The following CAP2 variants were observed in gnomAD, a reference collection of about 807,000 sequenced individuals.
The protein encoded by CAP2 is adenylyl cyclase-associated protein 2.
Under a neutral mutation model 57.7 loss-of-function variants are expected in CAP2, and 24 were observed. The ratio of observed to expected loss-of-function variants is 0.42; its 90% CI spans 0.30 to 0.58. The LOEUF is 0.58. Among genes scored for constraint, CAP2 ranks in the 20% least tolerant of loss-of-function variants. The probability of loss-of-function intolerance (pLI) is 0.22; values close to 1 mark genes in which losing one functional copy is unlikely to be tolerated. For missense variants in CAP2, 501 were observed against 590.3 expected (o/e 0.85, Z 1.57); for synonymous variants, 194 against 207.2 (o/e 0.94, Z 0.55).
chr6:17,520,598 A>T (rs571985449), intron 7 of CAP2, among the ~76,000 whole-genome samples: 2 of 152,112 alleles, frequency 1.3e-5, no homozygotes, highest in Non-Finnish European at 2.9e-5. Context: ...CTCCAGGTAG[A>T]TATTTCTTTT....
At chr6:17,478,010 T>A (rs902792721) in intron 4 of CAP2, among the ~76,000 whole-genome samples, 4 of 147,976 alleles carry the variant, frequency 2.7e-5, no homozygotes, top group African/African-American at 9.8e-5. Context: ...ATAATATATA[T>A]AAATATATTA....
chr6:17,474,185 CTTTTTTTTTTTTTTTT>C (rs544909381), intron 4 of CAP2, among the ~76,000 whole-genome samples: 24 of 93,208 alleles, frequency 2.6e-4, no homozygotes, highest in Non-Finnish European at 1.6e-4. Flanking sequence ...AAAAAACAGT[CTTTTTTTTTTTTTTTT>C]TTTTTTTTTG....
intron 7 of CAP2, among the ~76,000 whole-genome samples, chr6:17,534,764 C>T (rs1307576282): frequency 6.6e-6 from 1 of 152,166 alleles, no homozygotes; most frequent in East Asian, 1.9e-4. Context: ...CCAGTCTAGA[C>T]AACCTGGTAC....
chr6:17,530,906 T>C (rs916884061), intron 7 of CAP2: 28 of 1,416,096 alleles, frequency 2.0e-5, no homozygotes, highest in African/African-American at 1.5e-4. Flanking sequence ...AGTTCATTCT[T>C]CTAATAAGCC....
chr6:17,507,657 CT>C lies in CAP2; in HGVS notation c.463del (p.Tyr155MetfsTer5). On this transcript the variant is annotated frameshift_variant, in exon 6 of 13. Transcript: ENST00000229922. LOFTEE classifies it high-confidence loss of function. ...GWIAVSPKPG[P>X]YVKEMNDAAT... ...TTTTCTCAGTCTCCCAAACCTGGTC[CT>C]TATGTCAAGGAGATGAATGACGCTG... is the stretch of plus-strand genomic sequence containing the variant. 6.2e-7 allele frequency: 1 copy of C among 1,607,734 alleles called. No homozygotes were observed.
chr6:17,478,858 T>C (rs1761220342), intron 4 of CAP2, among the ~76,000 whole-genome samples: 2 of 152,190 alleles, frequency 1.3e-5, no homozygotes, highest in African/African-American at 4.8e-5. Context: ...TTCAGCCTCC[T>C]TGAAGAATTT....
At chr6:17,550,322 A>AATATAC (rs1321653098) in intron 11 of CAP2, among the ~76,000 whole-genome samples, 1 of 151,816 alleles carries the variant, frequency 6.6e-6, no homozygotes, top group Admixed American at 6.6e-5. Flanking sequence ...CACATTATTA[A>AATATAC]ATATACATAT....
chr6:17,552,639 C>G (rs934540565), intron 12 of CAP2, among the ~76,000 whole-genome samples: 1 of 152,100 alleles, frequency 6.6e-6, no homozygotes, highest in African/African-American at 2.4e-5. Flanking sequence ...CACAAACAAA[C>G]AAACAAACAA....
intron 11 of CAP2, among the ~76,000 whole-genome samples, chr6:17,543,386 G>T (rs1726647751): frequency 6.6e-6 from 1 of 152,106 alleles, no homozygotes; most frequent in Non-Finnish European, 1.5e-5. Context: ...GGGAGGCCGA[G>T]GTGGGCGGAT....
chr6:17,529,959 G>T (rs1181505641), intron 7 of CAP2, among the ~76,000 whole-genome samples: 2 of 151,628 alleles, frequency 1.3e-5, no homozygotes, highest in East Asian at 3.9e-4. Context: ...TTCGAGACCA[G>T]CTTGGGCAAC....
chr6:17,426,616 G>A lies in CAP2; in HGVS notation c.148G>A (p.Asp50Asn), dbSNP rs1369183259. The A allele has an allele frequency of 6.2e-7, 1 of 1,613,864 alleles. No homozygotes were observed. Among genetic ancestry groups the A allele is most frequent in the African/African-American group, 1.3e-5 (1 of 74,874 alleles). ...TGTGGCACCCTCCGTGGAAGCCTTTGACAAGCTGATGGACAGTATGGTGGC... is the reference window on the plus strand; with the variant it reads ...TGTGGCACCCTCCGTGGAAGCCTTTAACAAGCTGATGGACAGTATGGTGGC... ...AGVAPSVEAFDKLMDSMVAEF... is the reference protein window; with the variant it reads ...AGVAPSVEAFNKLMDSMVAEF... The change falls in exon 3 of 13, where the codon GAC becomes AAC. Residue 50 changes from aspartate to asparagine, a missense_variant. By Grantham distance (23) the Asp-to-Asn change is conservative (BLOSUM62 1). Transcript: ENST00000229922.
intron 1 of CAP2, among the ~76,000 whole-genome samples, chr6:17,406,439 G>C (rs1276398057): frequency 7.3e-6 from 1 of 136,378 alleles, no homozygotes. Flanking sequence ...TGTCGCCCAG[G>C]CTGGAGTGCA....
At chr6:17,555,904 T>G (rs1763294099) in intron 12 of CAP2, among the ~76,000 whole-genome samples, 1 of 152,152 alleles carries the variant, frequency 6.6e-6, no homozygotes, top group Non-Finnish European at 1.5e-5. Context: ...TTGATTCATG[T>G]GCATGTTAAA....
intron 1 of CAP2, 83 bp from the exon 2 acceptor site, chr6:17,421,472 C>T (rs941847426): frequency 3.8e-5 from 52 of 1,351,520 alleles, no homozygotes; most frequent in South Asian, 2.9e-4. Context: ...TCTTCCTCCT[C>T]GCTGTTGTTG....
intron 6 of CAP2, among the ~76,000 whole-genome samples, chr6:17,512,273 G>A (rs1220724583): frequency 6.6e-6 from 1 of 151,962 alleles, no homozygotes; most frequent in Non-Finnish European, 1.5e-5. Context: ...ACATGTAGCT[G>A]TAGTCCCAGC....
intron 4 of CAP2, among the ~76,000 whole-genome samples, chr6:17,495,701 T>C (rs1761646105): frequency 1.3e-5 from 2 of 152,214 alleles, no homozygotes; most frequent in East Asian, 1.9e-4. Flanking sequence ...GACTCGAAGA[T>C]GAAAGTTCAT....
intron 4 of CAP2, among the ~76,000 whole-genome samples, chr6:17,489,172 G>T (rs1581562726): frequency 6.6e-6 from 1 of 152,172 alleles, no homozygotes; most frequent in South Asian, 2.1e-4. Flanking sequence ...AGTGGCTCAC[G>T]CCTGTAATTC....
rs573104584 is a variant in CAP2, at chr6:17,509,052, G to T, written c.530+1326G>T. Among the ~76,000 whole-genome samples, 3 of 152,158 alleles carry T rather than the reference G, an allele frequency of 2.0e-5. No homozygotes were observed. The South Asian group carries it at 6.2e-4, about 32-fold the overall frequency. On this transcript the variant is annotated intron_variant, in intron 6 of 12. Transcript: ENST00000229922. ...TTGTAGGCATGAGCCACTGTGCCTG[G>T]CCTCAATTCACTCCTTTATTTTACT... is the stretch of plus-strand genomic sequence containing the variant.
chr6:17,531,235 C>A, intron 7 of CAP2: 5 of 785,612 alleles, frequency 6.4e-6, no homozygotes, highest in Non-Finnish European at 1.1e-5. Flanking sequence ...TATGGCTCTA[C>A]AATCCTCAGC....
Sources: gnomAD v4.1 joint callset for allele counts (sites outside exome capture counted in the v4.1 genomes callset) on GRCh38, gnomAD v4.1.1 for gene constraint, MANE v1.5 for transcripts, NCBI Gene and HGNC (gene_info 2026-07-23, HGNC 2026-07-21) for gene names.